MOXD1: variants seen among roughly 807,000 people sequenced by gnomAD.
MOXD1 encodes the protein DBH-like monooxygenase protein 1.
In MOXD1, 62 loss-of-function variants were observed where a neutral mutation model predicts 66.6. The observed-to-expected ratio is 0.93, with a 90% CI of 0.76 to 1.15. The LOEUF (loss-of-function observed/expected upper bound fraction) is 1.15, where lower values mean the gene tolerates loss of function less well. Among genes scored for constraint, MOXD1 ranks in the 50% most tolerant of loss-of-function variants. The pLI is 0.00. For missense variants in MOXD1, 847 were observed against 754.6 expected, an observed-to-expected ratio of 1.12 and a Z score of -1.44; for synonymous variants, 303 against 281.9, an observed-to-expected ratio of 1.07 and a Z score of -0.75.
chr6:132,316,031 C>T (rs139725076), intron 9 of MOXD1, among the ~76,000 whole-genome samples: 66 of 152,240 alleles, frequency 4.3e-4, no homozygotes, highest in African/African-American at 1.5e-3. Flanking sequence ...CTTCTCAACA[C>T]AGTGAACATT....
intron 10 of MOXD1, among the ~76,000 whole-genome samples, chr6:132,308,069 G>GT (rs1174431955): frequency 6.9e-6 from 1 of 145,826 alleles, no homozygotes; most frequent in Non-Finnish European, 1.5e-5. Context: ...AAAAATCAAT[G>GT]AATCCAGGAA....
intron 4 of MOXD1, among the ~76,000 whole-genome samples, chr6:132,367,832 TAA>T (rs1776177647): frequency 6.6e-6 from 1 of 152,026 alleles, no homozygotes; most frequent in Non-Finnish European, 1.5e-5. Context: ...GTTACATGAC[TAA>T]TAAATGGAAA....
intron 4 of MOXD1, among the ~76,000 whole-genome samples, chr6:132,330,520 A>C (rs932471939): frequency 2.0e-5 from 3 of 152,178 alleles, no homozygotes; most frequent in Non-Finnish European, 4.4e-5. Flanking sequence ...GTTACCAAAA[A>C]GGCTGGAGAC....
At chr6:132,320,556 C>A in intron 9 of MOXD1, 73 bp downstream of exon 9, 5 of 1,305,210 alleles carry the variant, frequency 3.8e-6, no homozygotes, top group Non-Finnish European at 5.3e-6. Context: ...TGGTTTTTAC[C>A]TTTTTCTTCT....
At chr6:132,359,809 T>C (rs1176913512) in intron 4 of MOXD1, among the ~76,000 whole-genome samples, 1 of 152,162 alleles carries the variant, frequency 6.6e-6, no homozygotes, top group East Asian at 1.9e-4. Flanking sequence ...ATAAATAAAA[T>C]TTGTTAAAGC....
chr6:132,378,817 G>A (rs1169049578), intron 1 of MOXD1, among the ~76,000 whole-genome samples: 2 of 145,222 alleles, frequency 1.4e-5, no homozygotes, highest in Admixed American at 7.0e-5. Context: ...TTAAGGAAGA[G>A]GTAATACCAA....
intron 1 of MOXD1, among the ~76,000 whole-genome samples, chr6:132,379,842 A>T (rs1423814263): frequency 1.3e-5 from 2 of 152,084 alleles, no homozygotes; most frequent in East Asian, 1.9e-4. Flanking sequence ...CTTTTTTGAG[A>T]CAGGGTCTCA....
At chr6:132,324,921 T>C (rs962626143) in intron 6 of MOXD1, among the ~76,000 whole-genome samples, 1 of 150,038 alleles carries the variant, frequency 6.7e-6, no homozygotes, top group African/African-American at 2.5e-5. Context: ...TATCAAATAT[T>C]CCTCATTGCA....
intron 7 of MOXD1, among the ~76,000 whole-genome samples, chr6:132,323,310 GC>G (rs1775119889): frequency 6.6e-6 from 1 of 152,126 alleles, no homozygotes; most frequent in Non-Finnish European, 1.5e-5. Flanking sequence ...TGAGGTCATG[GC>G]AATTTGAATT....
In MOXD1 at chr6:132,338,790, C is replaced by T. The variant is rs78763585; in HGVS notation, c.664-10196G>A. 6.4e-3 allele frequency among the ~76,000 whole-genome samples: 970 copies of T among 152,240 alleles called. 7 individuals carry two copies. Among genetic ancestry groups the T allele is most frequent in the Middle Eastern group, 0.024 (7 of 294 alleles). ...TGTTTAACTTCTCACCAACTCGGTT[C>T]CTTTAGCAGTAAATTAGTGATAATG... On this transcript the variant is annotated intron_variant, in intron 4 of 11. Transcript: ENST00000367963.
chr6:132,396,391 C>T (rs9493302), intron 1 of MOXD1, among the ~76,000 whole-genome samples: 1 of 151,632 alleles, frequency 6.6e-6, no homozygotes, highest in African/African-American at 2.4e-5. Context: ...GCAGTGCTAA[C>T]AGGAAAGTTT....
chr6:132,393,491 A>G (rs1441252499), intron 1 of MOXD1, among the ~76,000 whole-genome samples: 1 of 152,154 alleles, frequency 6.6e-6, no homozygotes, highest in African/African-American at 2.4e-5. Context: ...AATGTGAGGA[A>G]AGGGTAAGTG....
chr6:132,323,078 C>T (rs1775113425), intron 7 of MOXD1, among the ~76,000 whole-genome samples: 2 of 152,170 alleles, frequency 1.3e-5, no homozygotes, highest in African/African-American at 2.4e-5. Context: ...GGAGCTGATG[C>T]TTATAAGGGG....
chr6:132,334,988 T>C (rs1775407715), intron 4 of MOXD1, among the ~76,000 whole-genome samples: 1 of 152,172 alleles, frequency 6.6e-6, no homozygotes, highest in South Asian at 2.1e-4. Flanking sequence ...AAAAATTCTA[T>C]GTGTTGCAGA....
chr6:132,348,482 G>T (rs1012776476), intron 4 of MOXD1, among the ~76,000 whole-genome samples: 1 of 152,030 alleles, frequency 6.6e-6, no homozygotes, highest in African/African-American at 2.4e-5. Context: ...AGTCTGATTT[G>T]TTTTTTTCCC....
chr6:132,328,161 G>A, intron 5 of MOXD1, 46 bp from the exon 6 acceptor site: 1 of 1,525,318 alleles, frequency 6.6e-7, no homozygotes, highest in Non-Finnish European at 9.1e-7. Flanking sequence ...GAAAGTCCCT[G>A]AGAGCTCTAT....
At chr6:132,400,986 G>C (rs1289356024) in intron 1 of MOXD1, among the ~76,000 whole-genome samples, 177 bp downstream of exon 1, 1 of 152,212 alleles carries the variant, frequency 6.6e-6, no homozygotes, top group African/African-American at 2.4e-5. Context: ...GCGCCTTCTG[G>C]GGCTCCGGGA....
At chr6:132,301,407 T>C (rs1774534148) in intron 10 of MOXD1, among the ~76,000 whole-genome samples, 1 of 152,114 alleles carries the variant, frequency 6.6e-6, no homozygotes, top group Non-Finnish European at 1.5e-5. Context: ...TTTATTCTTA[T>C]AAATTCAAAC....
At chr6:132,367,911 G>A (rs992335806) in intron 4 of MOXD1, among the ~76,000 whole-genome samples, 2 of 151,922 alleles carry the variant, frequency 1.3e-5, no homozygotes, top group African/African-American at 4.8e-5. Flanking sequence ...GAGGTGTACT[G>A]CCTCCCTATT....
Sources: allele counts gnomAD v4.1 joint callset (sites outside exome capture counted in the v4.1 genomes callset), GRCh38; gene constraint gnomAD v4.1.1; transcripts MANE v1.5; gene names NCBI Gene and HGNC (gene_info 2026-07-23, HGNC 2026-07-21).